Variants in ITGA3 observed in about 807,000 individuals in gnomAD.
ITGA3 encodes integrin subunit alpha 3, also known as integrin alpha-3.
ITGA3 carries 70 observed loss-of-function variants against 131.1 expected under a neutral mutation model. That is an observed-to-expected ratio of 0.53 (90% CI 0.44 to 0.65). The LOEUF (loss-of-function observed/expected upper bound fraction) is 0.65, where lower values mean the gene tolerates loss of function less well. Among genes scored for constraint, ITGA3 ranks in the 30% least tolerant of loss-of-function variants. The pLI is 0.00. For synonymous variants in ITGA3, 537 were observed against 571.6 expected, an observed-to-expected ratio of 0.94 and a Z score of 0.86; for missense variants, 1,098 against 1,388.6, an observed-to-expected ratio of 0.79 and a Z score of 3.33.
chr17:50,079,083 C>G lies in ITGA3; in HGVS notation c.2408C>G (p.Pro803Arg), dbSNP rs1267745485. The change falls in exon 20 of 26, where the codon CCA becomes CGA. Residue 803 changes from proline (P) to arginine (R), a missense_variant. Transcript: ENST00000320031. ...SPLKYEFQVGPMGEGLVGLGT... is the reference protein window; with the variant it reads ...SPLKYEFQVGRMGEGLVGLGT... Reference sequence around the variant, plus strand: ...CACATCTTGTGCCCACAGGTGGGCCCAATGGGGGAGGGGCTGGTGGGCCTG... The same window carrying G: ...CACATCTTGTGCCCACAGGTGGGCCGAATGGGGGAGGGGCTGGTGGGCCTG... 7 of 1,613,348 alleles carry G rather than the reference C, an allele frequency of 4.3e-6. No individual in the cohort carries two copies. The highest frequency in any genetic ancestry group is 5.9e-6 in the Non-Finnish European group (7 of 1,179,752).
chr17:50,073,053 T>C (rs1908699471), intron 7 of ITGA3, among the ~76,000 whole-genome samples: 1 of 152,282 alleles, frequency 6.6e-6, no homozygotes, highest in African/African-American at 2.4e-5. Flanking sequence ...AGAGGCCAAG[T>C]GTGCACTGTG....
chr17:50,064,183 C>A lies in ITGA3; in HGVS notation c.313C>A (p.Arg105=). The A allele has an allele frequency of 6.2e-7, 1 of 1,608,752 alleles. No homozygotes were observed. The highest frequency in any genetic ancestry group is 8.5e-7 in the Non-Finnish European group (1 of 1,178,018). ...CACTGCCCACAAGGATGACTGTGAGCGGATGAACATCACAGTGAAAAGTGA... is the reference window on the plus strand; with the variant it reads ...CACTGCCCACAAGGATGACTGTGAGAGGATGAACATCACAGTGAAAAGTGA... ...PLTAHKDDCE[R]MNITVKNDPG... The change falls in exon 2 of 26, where the codon CGG becomes AGG. Residue 105 remains arginine, a synonymous_variant. Coordinates refer to ENST00000320031, the MANE Select transcript of ITGA3 (RefSeq NM_002204.4). The surrounding 1 kb of genome is among the most constrained non-coding windows in gnomAD (Gnocchi z 4.4).
In ITGA3 at chr17:50,056,292, G is replaced by A. The variant is rs73330528; in HGVS notation, c.-148G>A. On this transcript the variant is annotated 5_prime_UTR_variant, in exon 1 of 26. Coordinates refer to ENST00000320031, the MANE Select transcript of ITGA3 (RefSeq NM_002204.4). The surrounding 1 kb of genome is among the most constrained non-coding windows in gnomAD (Gnocchi z 5.6). ...CGCAGCTGTGAAACTGGCTGGGGCT[G>A]GGGGCACGAAACCGATCAGCGCTAC... 5.0e-3 allele frequency: 2,640 copies of A among 528,244 alleles called. 58 individuals carry two copies. Among genetic ancestry groups the A allele is most frequent in the African/African-American group, 0.047 (2,343 of 49,378 alleles). 32.7% of individuals were successfully genotyped at this position (528,244 alleles called of 1,614,324 possible).
chr17:50,075,445 C>T lies in ITGA3; in HGVS notation c.1470-14C>T, dbSNP rs1173338129. On this transcript the variant is annotated splice_polypyrimidine_tract_variant and intron_variant, in intron 10 of 25. Transcript: ENST00000320031. ...TCCCACTGTGACCCGCCCTCCTGTA[C>T]ATCCCTCCAACAGTGTGCAAGTGGA... 4 of 1,613,990 alleles carry T rather than the reference C, an allele frequency of 2.5e-6. No homozygotes were observed. The highest frequency in any genetic ancestry group is 2.2e-5 in the East Asian group (1 of 44,896).
chr17:50,079,342 T>C (rs1433688912), intron 20 of ITGA3, 84 bp downstream of exon 20: 7 of 1,563,134 alleles, frequency 4.5e-6, no homozygotes, highest in Non-Finnish European at 5.2e-6. Flanking sequence ...TCATACCCCT[T>C]TGGCAAGCTG....
intron 4 of ITGA3, among the ~76,000 whole-genome samples, chr17:50,069,337 A>G (rs2144275791): frequency 6.6e-6 from 1 of 152,342 alleles, no homozygotes; most frequent in East Asian, 1.9e-4. Context: ...TGCTCCTGGT[A>G]CAACCACTAC....
Position 50,079,505 on chromosome 17 carries a change from C to A in ITGA3, c.2654C>A (p.Pro885His), listed in dbSNP as rs1161101004. The A allele has an allele frequency of 2.5e-6, 4 of 1,576,272 alleles. No homozygotes were observed. The South Asian group carries it at 4.7e-5, about 18-fold the overall frequency. Residue 885 changes from proline to histidine, a missense_variant, in exon 21 of 26, where the codon CCC becomes CAC. By Grantham distance (77) the Pro-to-His change is moderately conservative. Coordinates refer to ENST00000320031, the MANE Select transcript of ITGA3 (RefSeq NM_002204.4). ...CTGGATCCAGGGGGAGGCCAGGGCC[C>A]CCCACCTGTCACTCTGGCTGCTGCC... is the stretch of plus-strand genomic sequence containing the variant. ...RQLDPGGGQG[P>H]PPVTLAAAKK...
chr17:50,064,828 T>C lies in ITGA3; in HGVS notation c.414+221T>C. The C allele has an allele frequency of 2.0e-6, 1 of 493,934 alleles. No individual in the cohort carries two copies. The highest frequency in any genetic ancestry group is 3.6e-6 in the Non-Finnish European group (1 of 277,986). The allele number at this position is 493,934 out of a possible 1,614,324, so 30.6% of individuals were successfully genotyped here. A position where few individuals can be genotyped will look rare whatever the true frequency, so the allele number is the denominator to read the frequency against. ...CCAAACCCCCGCACGGCCTGAGTTC[T>C]CTGACTCATCCACTTCCTCCGCATG... On this transcript the variant is annotated intron_variant, in intron 3 of 25. Transcript: ENST00000320031. The surrounding 1 kb of genome is among the most constrained non-coding windows in gnomAD (Gnocchi z 4.4).
At chr17:50,084,674 C>T (rs1473327577) in intron 23 of ITGA3, among the ~76,000 whole-genome samples, 2 of 152,090 alleles carry the variant, frequency 1.3e-5, no homozygotes, top group African/African-American at 4.8e-5. Context: ...AATCCTAACA[C>T]TTTGGGAGGC....
intron 23 of ITGA3, among the ~76,000 whole-genome samples, chr17:50,082,690 G>A (rs1188847694): frequency 1.3e-5 from 2 of 152,096 alleles, no homozygotes; most frequent in African/African-American, 2.4e-5. Flanking sequence ...AAACCCCCTA[G>A]GTTTCCTACA....
intron 10 of ITGA3, among the ~76,000 whole-genome samples, chr17:50,075,115 G>A (rs572512726): frequency 6.6e-6 from 1 of 152,330 alleles, no homozygotes; most frequent in South Asian, 2.1e-4. Flanking sequence ...GACAGAGCAG[G>A]GAAATGGGGT....
intron 15 of ITGA3, 94 bp from the exon 16 acceptor site, chr17:50,077,285 C>G (rs1048399684): frequency 2.2e-6 from 3 of 1,356,866 alleles, no homozygotes; most frequent in Non-Finnish European, 3.1e-6. Context: ...GAATCCGGCT[C>G]TCAAGCTCTA....
At position 50,078,849 on chromosome 17, in the gene ITGA3, T is replaced by C; in HGVS notation, c.2323T>C (p.Phe775Leu). 1.2e-6 allele frequency: 2 copies of C among 1,612,680 alleles called. No homozygotes were observed. The highest frequency in any genetic ancestry group is 2.2e-5 in the South Asian group (2 of 91,030). ...GGTAAATCACCGGCTACAAAGCTTC[T>C]TTGGGGGGACAGTGATGGGTGAGTC... ...SMVNHRLQSF[F>L]GGTVMGESGM... The change falls in exon 19 of 26, where the codon TTT becomes CTT. Residue 775 changes from phenylalanine to leucine, a missense_variant. Coordinates refer to ENST00000320031, the MANE Select transcript of ITGA3 (RefSeq NM_002204.4).
chr17:50,077,960 G>C (rs1908992715), intron 16 of ITGA3, 86 bp from the exon 17 acceptor site: 2 of 1,156,280 alleles, frequency 1.7e-6, no homozygotes, highest in Non-Finnish European at 2.5e-6. Flanking sequence ...AAGCCAACTA[G>C]AATAGTGTGC....
At chr17:50,074,789 T>C (rs954793379) in intron 10 of ITGA3, among the ~76,000 whole-genome samples, 2 of 152,180 alleles carry the variant, frequency 1.3e-5, no homozygotes, top group African/African-American at 4.8e-5. Context: ...ATCCCAGCTA[T>C]GCCAGTGCAG....
intron 12 of ITGA3, 62 bp downstream of exon 12, chr17:50,075,797 C>A (rs997147893): frequency 1.3e-6 from 2 of 1,570,066 alleles, no homozygotes; most frequent in Non-Finnish European, 1.7e-6. Context: ...TGGCCAGTGT[C>A]CCCCTAGATC....
chr17:50,057,479 C>T (rs1367905178), intron 1 of ITGA3, among the ~76,000 whole-genome samples: 1 of 152,190 alleles, frequency 6.6e-6, no homozygotes, highest in African/African-American at 2.4e-5. Flanking sequence ...GAGGTTGCAC[C>T]CAGCCTCCTG....
At chr17:50,061,038 C>G (rs1908053282) in intron 1 of ITGA3, among the ~76,000 whole-genome samples, 1 of 152,218 alleles carries the variant, frequency 6.6e-6, no homozygotes, top group Non-Finnish European at 1.5e-5. Context: ...ATGTGCAGGC[C>G]TCTGGCTGTA....
Position 50,076,365 on chromosome 17 carries a change from A to C in ITGA3, c.1714A>C (p.Met572Leu), listed in dbSNP as rs768370616. 1.9e-6 allele frequency: 3 copies of C among 1,613,610 alleles called. No individual in the cohort carries two copies. Among genetic ancestry groups the C allele is most frequent in the South Asian group, 1.1e-5 (1 of 91,068 alleles). ...RDKLRPIIIS[M>L]NYSLPLRMPD... ...CAAACTCCGCCCCATCATCATCTCC[A>C]TGAACTACTCTTTACCTTTGCGGAT... The change falls in exon 13 of 26, where the codon ATG becomes CTG. Residue 572 changes from methionine (M) to leucine (L), a missense_variant. Transcript: ENST00000320031.
Sources: allele counts gnomAD v4.1 joint callset (sites outside exome capture counted in the v4.1 genomes callset), GRCh38; gene constraint gnomAD v4.1.1; non-coding constraint Gnocchi (gnomAD v3.1); transcripts MANE v1.5; gene names NCBI Gene and HGNC (gene_info 2026-07-23, HGNC 2026-07-21).